PAK3: variants seen among roughly 807,000 people sequenced by gnomAD.
PAK3 encodes the protein serine/threonine-protein kinase PAK 3.
In PAK3, 4 loss-of-function variants were observed where a neutral mutation model predicts 41.0. The observed-to-expected ratio is 0.10, with a 90% CI of 0.05 to 0.22. The LOEUF is 0.22. Among genes scored for constraint, PAK3 ranks in the 10% least tolerant of loss-of-function variants. PAK3 has a pLI of 1.00. For missense variants in PAK3, 205 were observed against 409.9 expected, an observed-to-expected ratio of 0.50 and a Z score of 4.32; for synonymous variants, 146 against 139.6, an observed-to-expected ratio of 1.05 and a Z score of -0.32.
chrX:111,079,213 T>C (rs1370613874), intron 1 of PAK3, among the ~76,000 whole-genome samples: 1 of 112,054 alleles, frequency 8.9e-6, no homozygotes, highest in East Asian at 2.8e-4. Flanking sequence ...AACAGCCCTC[T>C]ATTGGGAGAA....
intron 7 of PAK3, among the ~76,000 whole-genome samples, chrX:111,150,558 A>C (rs1195954374): frequency 8.9e-6 from 1 of 111,883 alleles, no homozygotes; most frequent in African/African-American, 3.3e-5. Flanking sequence ...GCAGCAACAG[A>C]AAATGAGAAA....
At chrX:111,145,189 T>G (rs973676727) in intron 6 of PAK3, among the ~76,000 whole-genome samples, 3 of 112,077 alleles carry the variant, frequency 2.7e-5, no homozygotes, top group African/African-American at 9.7e-5. Context: ...TGGCATACAT[T>G]CAAATTTGAA....
chrX:111,113,922 A>G (rs1433677305), intron 4 of PAK3, among the ~76,000 whole-genome samples: 1 of 111,764 alleles, frequency 8.9e-6, no homozygotes, highest in African/African-American at 3.3e-5. Flanking sequence ...GATGGTTTCC[A>G]GCTTCATCTG....
chrX:111,139,168 T>C (rs1473639356), intron 5 of PAK3, among the ~76,000 whole-genome samples: 1 of 110,917 alleles, frequency 9.0e-6, no homozygotes, highest in Non-Finnish European at 1.9e-5. Context: ...GTTTAGGAGA[T>C]AGAATATACA....
chrX:111,129,903 G>C (rs2093695456), intron 5 of PAK3, among the ~76,000 whole-genome samples: 1 of 111,372 alleles, frequency 9.0e-6, no homozygotes, highest in South Asian at 3.8e-4. Flanking sequence ...ATTGACAAAG[G>C]CTAAGGGATA....
chrX:111,001,422 G>T lies in PAK3; in HGVS notation c.-28+56794G>T, dbSNP rs1368403852. ...TCTCCTGTGTTTTATTCCTCTCCAAGCACTGAACTATAATTAATGCTGAGT... is the reference window on the plus strand; with the variant it reads ...TCTCCTGTGTTTTATTCCTCTCCAATCACTGAACTATAATTAATGCTGAGT... On this transcript the variant is annotated intron_variant, in intron 1 of 14. Transcript: ENST00000425146. Among the ~76,000 whole-genome samples, 12 of 111,786 alleles carry T rather than the reference G, an allele frequency of 1.1e-4. 1 individual carries two copies. The East Asian group carries it at 2.8e-3, about 26-fold the overall frequency.
chrX:111,015,197 C>G (rs1236999907), intron 1 of PAK3, among the ~76,000 whole-genome samples: 5 of 110,463 alleles, frequency 4.5e-5, no homozygotes, highest in South Asian at 3.9e-4. Context: ...AGTATAGTGA[C>G]TGGCTTCTTT....
At position 111,136,998 on chromosome X, in the gene PAK3, T is replaced by G. The variant is rs1285997507; in HGVS notation, c.176-5098T>G. On this transcript the variant is annotated intron_variant, in intron 5 of 17. Transcript: ENST00000372007. Reference sequence around the variant, plus strand: ...GGAAGGGAGGTAAAATTCATTAGAGTTGAGAGAGATCAAGGATCCATAAGG... The same window carrying G: ...GGAAGGGAGGTAAAATTCATTAGAGGTGAGAGAGATCAAGGATCCATAAGG... Among the ~76,000 whole-genome samples the G allele has an allele frequency of 7.2e-5, 8 of 110,575 alleles. No individual in the cohort carries two copies. The Admixed American group carries it at 7.7e-4, about 11-fold the overall frequency.
intron 16 of PAK3, among the ~76,000 whole-genome samples, chrX:111,204,108 T>G (rs2094713106): frequency 9.0e-6 from 1 of 111,406 alleles, no homozygotes. Context: ...TGTCAAAAGA[T>G]AGACAGCTCT....
intron 17 of PAK3, chrX:111,217,712 G>A (rs998925305): frequency 5.3e-6 from 3 of 568,459 alleles, no homozygotes; most frequent in South Asian, 1.9e-4. Flanking sequence ...ATCTGGAATG[G>A]CCCTTTGTTA....
At chrX:111,162,597 T>C (rs1405728086) in intron 8 of PAK3, among the ~76,000 whole-genome samples, 1 of 112,255 alleles carries the variant, frequency 8.9e-6, no homozygotes, top group Non-Finnish European at 1.9e-5. Context: ...TGATTTTTAA[T>C]GTATTTCAAA....
At chrX:111,131,554 C>CA (rs751731708) in intron 5 of PAK3, among the ~76,000 whole-genome samples, 6,331 of 99,137 alleles carry the variant, frequency 0.064, 503 homozygotes, top group African/African-American at 0.22. Flanking sequence ...ATTTCCAATG[C>CA]AAAAAAAAAA....
At position 111,011,150 on chromosome X, in the gene PAK3, T is replaced by A. The variant is rs773179539; in HGVS notation, c.-28+66522T>A. ...ATTCTTGGGGCTGGGGGTGGTTAGG[T>A]AGGATGCCAAAGAAGAGAGAGGCTG... On this transcript the variant is annotated intron_variant, in intron 1 of 14. Transcript: ENST00000425146. 2.7e-5 allele frequency among the ~76,000 whole-genome samples: 3 copies of A among 111,205 alleles called. No individual in the cohort carries two copies. The South Asian group carries it at 1.1e-3, about 43-fold the overall frequency.
chrX:111,011,958 G>T, intron 1 of PAK3, among the ~76,000 whole-genome samples: 1 of 111,897 alleles, frequency 8.9e-6, no homozygotes. Context: ...AATATGCCAG[G>T]ATTTATTAAA....
chrX:111,141,320 C>T (rs1159817693), intron 5 of PAK3, among the ~76,000 whole-genome samples: 2 of 111,464 alleles, frequency 1.8e-5, no homozygotes, highest in African/African-American at 6.5e-5. Context: ...TATGAAAAAT[C>T]TGCTACTTGA....
chrX:111,058,871 G>T (rs769975275), intron 1 of PAK3, among the ~76,000 whole-genome samples: 1 of 111,256 alleles, frequency 9.0e-6, no homozygotes, highest in Non-Finnish European at 1.9e-5. Flanking sequence ...TTATTCTTTT[G>T]CATGTGGATA....
chrX:111,006,224 A>T (rs143225848), intron 1 of PAK3, among the ~76,000 whole-genome samples: 1 of 112,304 alleles, frequency 8.9e-6, no homozygotes, highest in Non-Finnish European at 1.9e-5. Context: ...CATTGAGACA[A>T]TTAGCCACAT....
chrX:110,982,269 G>C (rs1486611005), intron 1 of PAK3, among the ~76,000 whole-genome samples: 1 of 111,998 alleles, frequency 8.9e-6, no homozygotes, highest in Non-Finnish European at 1.9e-5. Context: ...TGCACACCAA[G>C]TTGGTTGTGA....
chrX:111,110,420 C>A (rs192914500), intron 4 of PAK3, among the ~76,000 whole-genome samples: 1 of 111,844 alleles, frequency 8.9e-6, no homozygotes, highest in East Asian at 2.8e-4. Flanking sequence ...CTACAGTTAG[C>A]AAATAAGAAC....
Sources: gnomAD v4.1 joint callset for allele counts (sites outside exome capture counted in the v4.1 genomes callset) on GRCh38, gnomAD v4.1.1 for gene constraint, MANE v1.5 for transcripts, NCBI Gene and HGNC (gene_info 2026-07-23, HGNC 2026-07-21) for gene names.